The following VPS13D variants were observed in gnomAD, a reference collection of about 807,000 sequenced individuals.
VPS13D encodes intermembrane lipid transfer protein VPS13D.
VPS13D carries 187 observed loss-of-function variants against 461.9 expected under a neutral mutation model. The observed-to-expected ratio is 0.40, with a 90% confidence interval of 0.36 to 0.46. The LOEUF (loss-of-function observed/expected upper bound fraction) is 0.46. Ranked by LOEUF, VPS13D falls within the 20% of genes least tolerant of loss-of-function variation. The pLI, the probability that VPS13D is intolerant of heterozygous loss-of-function variation, is 0.60. For missense variants in VPS13D, 4,711 were observed against 5,364.9 expected, an observed-to-expected ratio of 0.88 and a Z score of 3.81; for synonymous variants, 1,951 against 1,986.3, an observed-to-expected ratio of 0.98 and a Z score of 0.47.
intron 65 of VPS13D, among the ~76,000 whole-genome samples, chr1:12,422,135 C>A (rs888184341): frequency 6.6e-6 from 1 of 152,128 alleles, no homozygotes; most frequent in Non-Finnish European, 1.5e-5. Context: ...AGCCTCATCC[C>A]CTTCAGTATG....
At position 12,338,223 on chromosome 1, in the gene VPS13D, T is replaced by C; in HGVS notation, c.8552-8T>C. On this transcript the variant is annotated splice_region_variant and splice_polypyrimidine_tract_variant and intron_variant, in intron 39 of 69. Coordinates refer to ENST00000620676, the MANE Select transcript of VPS13D (RefSeq NM_015378.4). The stretch of plus-strand genomic sequence containing the variant: ...TTAGCCTCTAACTTTGTCTCTCCTG[T>C]CTACCAGGCCTCCCCCTTGTCTACC... The C allele has an allele frequency of 6.2e-7, 1 of 1,612,596 alleles. No homozygotes were observed. Among genetic ancestry groups the C allele is most frequent in the Non-Finnish European group, 8.5e-7 (1 of 1,178,820 alleles).
At chr1:12,491,097 G>A (rs537396256) in intron 67 of VPS13D, among the ~76,000 whole-genome samples, 8 of 152,230 alleles carry the variant, frequency 5.3e-5, no homozygotes, top group African/African-American at 1.7e-4. Context: ...ATTGACCTTC[G>A]TTCTCAGTCT....
rs141740121 is a variant in VPS13D, at chr1:12,489,892, G to A, written c.12663-7608G>A. ...CATAATTTGCCTGTGGTTACAGTTC[G>A]TAAGTGGTGGAGCTGGGATTCAAAC... On this transcript the variant is annotated intron_variant, in intron 67 of 69. Transcript: ENST00000620676. Among the ~76,000 whole-genome samples the A allele has an allele frequency of 8.1e-4, 124 of 152,264 alleles. 1 individual carries two copies. The highest frequency in any genetic ancestry group is 2.7e-3 in the African/African-American group (112 of 41,558).
intron 60 of VPS13D, 25 bp from the exon 61 acceptor site, chr1:12,400,156 C>T (rs1335001858): frequency 2.5e-6 from 4 of 1,605,590 alleles, no homozygotes; most frequent in Admixed American, 1.7e-5. Context: ...TTTGTTTTTG[C>T]TTTGCTACCT....
chr1:12,255,705 A>T (rs997943305), intron 7 of VPS13D, among the ~76,000 whole-genome samples: 3 of 152,020 alleles, frequency 2.0e-5, no homozygotes, highest in African/African-American at 7.2e-5. Flanking sequence ...ATCCTGGCCA[A>T]CATGGTGAAA....
chr1:12,462,967 A>G (rs1645431607), intron 67 of VPS13D, among the ~76,000 whole-genome samples: 1 of 152,200 alleles, frequency 6.6e-6, no homozygotes, highest in Non-Finnish European at 1.5e-5. Flanking sequence ...CACTCGGGAT[A>G]TAGAAAAGTT....
rs1477758695 is a variant in VPS13D, at chr1:12,322,557, A to T, written c.7726A>T (p.Ile2576Phe). 4 of 1,614,130 alleles carry T rather than the reference A, an allele frequency of 2.5e-6. No homozygotes were observed. Among genetic ancestry groups the T allele is most frequent in the Non-Finnish European group, 3.4e-6 (4 of 1,180,054 alleles). ...TTAGATTCAGTTACAAGCCCTGGAT[A>T]TCAGACTCTCCTATAATGATGTTCA... is the stretch of plus-strand genomic sequence containing the variant. The part of the protein sequence containing the change: ...VLEIQLQALD[I>F]RLSYNDVQLF... Residue 2576 changes from isoleucine (I) to phenylalanine (F), a missense_variant, in exon 34 of 70, where the codon ATC becomes TTC. By Grantham distance (21) the Ile-to-Phe change is conservative. This residue lies in a region of VPS13D where 4,411 missense variants were observed against 4,937.8 expected (regional missense o/e 0.89). Transcript: ENST00000620676.
At chr1:12,382,487 T>C (rs1293132638) in intron 57 of VPS13D, among the ~76,000 whole-genome samples, 1 of 152,326 alleles carries the variant, frequency 6.6e-6, no homozygotes, top group South Asian at 2.1e-4. Flanking sequence ...ACACCATCTT[T>C]TGAGTATTTG....
chr1:12,347,564 G>C (rs1643702896), intron 44 of VPS13D, among the ~76,000 whole-genome samples: 1 of 152,134 alleles, frequency 6.6e-6, no homozygotes, highest in Non-Finnish European at 1.5e-5. Context: ...TTTATGCCTA[G>C]GATTGTGTCC....
Position 12,280,290 on chromosome 1 carries a change from C to G in VPS13D, c.4602+640C>G, listed in dbSNP as rs189604353. 3.3e-3 allele frequency among the ~76,000 whole-genome samples: 495 copies of G among 152,194 alleles called. 3 individuals carry two copies. Among genetic ancestry groups the G allele is most frequent in the Non-Finnish European group, 5.1e-3 (349 of 68,014 alleles). On this transcript the variant is annotated intron_variant, in intron 20 of 69. Transcript: ENST00000620676. ...AGTTGGTCTGTGTCTGGCAGCTGTT[C>G]TGGAGTAACCCAGGAGTGCTGTTGA...
rs771924774 is a variant in VPS13D, at chr1:12,356,394, A to G, written c.9872-4A>G. 1.2e-6 allele frequency: 2 copies of G among 1,612,434 alleles called. No individual in the cohort carries two copies. Among genetic ancestry groups the G allele is most frequent in the Non-Finnish European group, 8.5e-7 (1 of 1,179,408 alleles). On this transcript the variant is annotated splice_region_variant and splice_polypyrimidine_tract_variant and intron_variant, in intron 48 of 69. Coordinates refer to ENST00000620676, the MANE Select transcript of VPS13D (RefSeq NM_015378.4). The stretch of plus-strand genomic sequence containing the variant: ...TGATGTAAACTTTTCTCTCCTTCCT[A>G]AAGGGTTGCCACTGATCTTCAGACA...
intron 52 of VPS13D, among the ~76,000 whole-genome samples, chr1:12,366,497 A>G (rs151178839): frequency 8.0e-4 from 122 of 152,318 alleles, no homozygotes; most frequent in African/African-American, 2.7e-3. Context: ...TGGGGAGGGA[A>G]AAGGGATTCT....
Position 12,358,593 on chromosome 1 carries a change from A to G in VPS13D, c.10133A>G (p.Tyr3378Cys), listed in dbSNP as rs552096522. ...CAAGGAAACCGCCCAGGGCTGATCT[A>G]TAACATTGGTGGGTTACATTTGGGG... is the stretch of plus-strand genomic sequence containing the variant. ...IQQGNRPGLI[Y>C]NIGIDVKKGR... The change falls in exon 50 of 70, where the codon TAT becomes TGT. Residue 3378 changes from tyrosine to cysteine, a missense_variant. Around this residue, in one of 3 missense-constraint regions of VPS13D, gnomAD observed 4,411 missense variants for 4,937.8 expected, o/e 0.89. Transcript: ENST00000620676. The G allele has an allele frequency of 3.4e-5, 55 of 1,614,062 alleles. 1 individual carries two copies. The South Asian group carries it at 3.7e-4, about 11-fold the overall frequency.
At chr1:12,452,134 G>A (rs1344081825) in intron 65 of VPS13D, among the ~76,000 whole-genome samples, 1 of 152,230 alleles carries the variant, frequency 6.6e-6, no homozygotes, top group Non-Finnish European at 1.5e-5. Context: ...TCTGATTTCT[G>A]ATTCTCTGTC....
In VPS13D at chr1:12,506,886, C is replaced by T. The variant is rs150954113; in HGVS notation, c.12828C>T (p.Cys4276=). The change falls in exon 69 of 70, where the codon TGC becomes TGT. Residue 4276 remains cysteine, a synonymous_variant. Coordinates refer to ENST00000620676, the MANE Select transcript of VPS13D (RefSeq NM_015378.4). The part of the protein sequence containing the change: ...FIAVENIDSY[C]VLISSKAVYF... ...CTGTGGAGAACATTGACAGCTACTG[C>T]GTGCTCATCTCCTCCAAAGCTGTTT... 1.7e-4 allele frequency: 281 copies of T among 1,614,160 alleles called. No homozygotes were observed. The highest frequency in any genetic ancestry group is 2.3e-4 in the Non-Finnish European group (270 of 1,180,060).
At chr1:12,373,095 G>GTTTTTTTTTTTTTTTTTTTTTTTTTTT (rs571503565) in intron 54 of VPS13D, among the ~76,000 whole-genome samples, 1 of 37,236 alleles carries the variant, frequency 2.7e-5, no homozygotes, top group Non-Finnish European at 5.3e-5. Flanking sequence ...GTCTGGCTTG[G>GTTTTTTTTTTTTTTTTTTTTTTTTTTT]TTTTTTTTTT....
chr1:12,410,465 GTCTC>G (rs1040128335), intron 63 of VPS13D, among the ~76,000 whole-genome samples: 7 of 152,132 alleles, frequency 4.6e-5, no homozygotes, highest in Admixed American at 1.3e-4. Flanking sequence ...CTCATCCAAA[GTCTC>G]TGTAAGTTTT....
chr1:12,459,712 C>A (rs1330655337), intron 66 of VPS13D, among the ~76,000 whole-genome samples: 1 of 151,966 alleles, frequency 6.6e-6, no homozygotes, highest in Non-Finnish European at 1.5e-5. Flanking sequence ...CTCTTGACCT[C>A]GTGATCTGCC....
In VPS13D at chr1:12,456,032, C is replaced by T. The variant is rs766892085; in HGVS notation, c.12368C>T (p.Thr4123Met). 9 of 1,613,302 alleles carry T rather than the reference C, an allele frequency of 5.6e-6. No individual in the cohort carries two copies. Among genetic ancestry groups the T allele is most frequent in the African/African-American group, 1.3e-5 (1 of 74,880 alleles). Reference sequence around the variant, plus strand: ...ACATTATCAGATGGCTTAGGGAAGACGATGGACAATCGGCATCAGTCAGAG... The same window carrying T: ...ACATTATCAGATGGCTTAGGGAAGATGATGGACAATCGGCATCAGTCAGAG... Reference protein sequence around the residue: ...AGTLSDGLGKTMDNRHQSERE... With the variant: ...AGTLSDGLGKMMDNRHQSERE... Residue 4123 changes from threonine to methionine, a missense_variant, in exon 66 of 70, where the codon ACG becomes ATG. This residue lies in a region of VPS13D where 106 missense variants were observed against 206.2 expected (regional missense o/e 0.51). Coordinates refer to ENST00000620676, the MANE Select transcript of VPS13D (RefSeq NM_015378.4).
Sources: gnomAD v4.1 joint callset for allele counts (sites outside exome capture counted in the v4.1 genomes callset) on GRCh38, gnomAD v4.1.1 for gene constraint, gnomAD v4.1.1 regional missense constraint, MANE v1.5 for transcripts, NCBI Gene and HGNC (gene_info 2026-07-23, HGNC 2026-07-21) for gene names.